UCP2: variants seen among roughly 807,000 people sequenced by gnomAD.
UCP2 encodes uncoupling protein 2.
A neutral mutation model predicts 31.3 loss-of-function variants in UCP2; 27 were observed. That is an observed-to-expected ratio of 0.86 (90% CI 0.64 to 1.19). The LOEUF (loss-of-function observed/expected upper bound fraction) is 1.19. Ranked by LOEUF, UCP2 falls within the 50% of genes most tolerant of loss-of-function variation. UCP2 has a pLI of 0.00. For synonymous variants in UCP2, 142 were observed against 157.4 expected (o/e 0.90, Z 0.73); for missense variants, 377 against 413.5 (o/e 0.91, Z 0.76).
At position 73,976,896 on chromosome 11, in the gene UCP2, A is replaced by C. The variant is rs770894758; in HGVS notation, c.459T>G (p.Gly153=). 8 of 1,614,060 alleles carry C rather than the reference A, an allele frequency of 5.0e-6. No individual in the cohort carries two copies. In the South Asian group the frequency reaches 7.7e-5, roughly 16 times the overall value. ...RFQAQARAGG[G]RRYQSTVNAY... is the part of the protein sequence containing the mutation. ...CATTGACGGTGCTTTGGTATCTCCG[A>C]CCACCTCCAGCCCGGGCCTGAGCTT... Residue 153 remains glycine, a synonymous_variant, in exon 5 of 8, where the codon GGT becomes GGG. Coordinates refer to ENST00000663595, the MANE Select transcript of UCP2 (RefSeq NM_003355.3).
intron 2 of UCP2, among the ~76,000 whole-genome samples, chr11:73,979,263 TG>T (rs1307168121): frequency 6.6e-6 from 1 of 152,174 alleles, no homozygotes; most frequent in African/African-American, 2.4e-5. Context: ...AAAGACTTCT[TG>T]GGCTGGGTGT....
At position 73,974,787 on chromosome 11, in the gene UCP2, G is replaced by C. The variant is rs909549802; in HGVS notation, c.*220C>G. 2.8e-6 allele frequency: 1 copy of C among 354,272 alleles called. No individual in the cohort carries two copies. Among genetic ancestry groups the C allele is most frequent in the Non-Finnish European group, 5.3e-6 (1 of 188,510 alleles). The allele number at this position is 354,272 out of a possible 1,614,324, so 21.9% of individuals were successfully genotyped here. A position where few individuals can be genotyped will look rare whatever the true frequency, so the allele number is the denominator to read the frequency against. On this transcript the variant is annotated 3_prime_UTR_variant, in exon 8 of 8. Transcript: ENST00000663595. ...GGACGCTTGGGATCCTGGCTGGTACGAGGCCTCCCACACTGTCAAATGTCA... is the reference window on the plus strand; with the variant it reads ...GGACGCTTGGGATCCTGGCTGGTACCAGGCCTCCCACACTGTCAAATGTCA...
Position 73,978,275 on chromosome 11 carries a change from T to A in UCP2, c.104A>T (p.Asp35Val), listed in dbSNP as rs756953904. ...CACCTGTAACCGGACTTTAGCAGTA[T>A]CCAGAGGAAAGGTGATGAGATCTGC... ...CIADLITFPL[D>V]TAKVRLQIQG... The change falls in exon 3 of 8, where the codon GAT becomes GTT. Residue 35 changes from aspartate to valine, a missense_variant. Physicochemically the swap from Asp to Val is radical, Grantham distance 152. Coordinates refer to ENST00000663595, the MANE Select transcript of UCP2 (RefSeq NM_003355.3). The A allele has an allele frequency of 6.2e-7, 1 of 1,613,984 alleles. No individual in the cohort carries two copies. Among genetic ancestry groups the A allele is most frequent in the Non-Finnish European group, 8.5e-7 (1 of 1,180,010 alleles).
chr11:73,977,901 T>C lies in UCP2; in HGVS notation c.322A>G (p.Thr108Ala). The change falls in exon 4 of 8, where the codon ACC (threonine) becomes GCC (alanine). Residue 108 changes from threonine to alanine, a missense_variant. Physicochemically the swap from Thr to Ala is moderately conservative, Grantham distance 58. Transcript: ENST00000663595. ...CCATACTCACGCTCAGAGCCCTTGG[T>C]GTAGAACTGTTTGACAGAATCATAC... ...GLYDSVKQFYTKGSEHASIGS... is the reference protein window; with the variant it reads ...GLYDSVKQFYAKGSEHASIGS... 1.2e-6 allele frequency: 2 copies of C among 1,614,202 alleles called. No individual in the cohort carries two copies. Among genetic ancestry groups the C allele is most frequent in the Non-Finnish European group, 1.7e-6 (2 of 1,180,026 alleles).
In UCP2 at chr11:73,982,833, G is replaced by C. The variant is rs1041279917; in HGVS notation, c.-369C>G. The C allele has an allele frequency of 6.8e-6, 1 of 146,524 alleles. No homozygotes were observed. The highest frequency in any genetic ancestry group is 1.5e-5 in the Non-Finnish European group (1 of 68,172). The allele number at this position is 146,524 out of a possible 1,614,324, so 9.1% of individuals were successfully genotyped here. A position where few individuals can be genotyped will look rare whatever the true frequency, so the allele number is the denominator to read the frequency against. The stretch of plus-strand genomic sequence containing the variant: ...GTCAATCCCAAGGCGCGCGCAGCTG[G>C]GCTTCGCAGTGGGGCTCCGCGCAGG... On this transcript the variant is annotated 5_prime_UTR_variant, in exon 1 of 8. Coordinates refer to ENST00000663595, the MANE Select transcript of UCP2 (RefSeq NM_003355.3).
intron 4 of UCP2, among the ~76,000 whole-genome samples, chr11:73,977,471 A>T (rs7109902): frequency 0.015 from 2,295 of 152,134 alleles, 49 homozygotes; most frequent in African/African-American, 0.053. Context: ...CGTCATGTGT[A>T]AAATGGAGGG....
rs1293314405 is a variant in UCP2 at position 73,976,632 on chromosome 11, A to G, written c.634+9T>C. 5 of 1,611,766 alleles carry G rather than the reference A, an allele frequency of 3.1e-6. No individual in the cohort carries two copies. The highest frequency in any genetic ancestry group is 4.2e-6 in the Non-Finnish European group (5 of 1,178,112). On this transcript the variant is annotated intron_variant, in intron 6 of 7. Transcript: ENST00000663595. ...GGTGAGACCCAGCACCGTCTACCTC[A>G]TGACTCACCTGTCATGAGGTTGGCT...
At chr11:73,979,273 G>A (rs568045968) in intron 2 of UCP2, among the ~76,000 whole-genome samples, 9 of 152,272 alleles carry the variant, frequency 5.9e-5, no homozygotes, top group Non-Finnish European at 1.3e-4. Context: ...TGGGCTGGGT[G>A]TGGTGGCTCA....
chr11:73,978,622 G>C, intron 2 of UCP2, 145 bp from the exon 3 acceptor site: 1 of 523,562 alleles, frequency 1.9e-6, no homozygotes, highest in Non-Finnish European at 3.4e-6. Flanking sequence ...ATGTGAGCTC[G>C]AGAGGCACTC....
In UCP2 at chr11:73,977,981, C is replaced by A; in HGVS notation, c.242G>T (p.Gly81Val). 1.9e-6 allele frequency: 3 copies of A among 1,614,222 alleles called. No homozygotes were observed. The highest frequency in any genetic ancestry group is 2.5e-6 in the Non-Finnish European group (3 of 1,180,028). Residue 81 changes from glycine to valine, a missense_variant, in exon 4 of 8, where the codon GGG becomes GTG. Physicochemically the swap from Gly to Val is moderately radical, Grantham distance 109. Coordinates refer to ENST00000663595, the MANE Select transcript of UCP2 (RefSeq NM_003355.3). ...RTEGPRSLYN[G>V]LVAGLQRQMS... ...TTGGCGCTGCAGGCCGGCAACCAGC[C>A]CATTGTAGAGGCTTCGGGGGCCCTC...
chr11:73,979,602 G>A (rs1443821751), intron 2 of UCP2, among the ~76,000 whole-genome samples: 1 of 152,080 alleles, frequency 6.6e-6, no homozygotes, highest in Admixed American at 6.6e-5. Context: ...AGAGGTGGGA[G>A]GACTGCTTGA....
intron 7 of UCP2, 117 bp from the exon 8 acceptor site, chr11:73,975,238 G>T (rs887351596): frequency 5.8e-6 from 6 of 1,033,342 alleles, no homozygotes; most frequent in African/African-American, 3.2e-5. Flanking sequence ...AGGACTCAAT[G>T]AACTGAGCTC....
Position 73,978,385 on chromosome 11 carries a change from G to A in UCP2, c.-7C>T, listed in dbSNP as rs752859030. The A allele has an allele frequency of 1.9e-6, 3 of 1,614,162 alleles. No homozygotes were observed. The highest frequency in any genetic ancestry group is 2.5e-6 in the Non-Finnish European group (3 of 1,180,032). ...TGGCCTTGAACCCAACCATGATGCT[G>A]ATTTCCTGCTACGTCCCAGGAGATG... On this transcript the variant is annotated 5_prime_UTR_variant, in exon 3 of 8. Transcript: ENST00000663595.
Position 73,978,365 on chromosome 11 carries a change from T to C in UCP2, c.14A>G (p.Lys5Arg). Residue 5 changes from lysine (K) to arginine (R), a missense_variant, in exon 3 of 8, where the codon AAG (lysine) becomes AGG (arginine). By Grantham distance (26) the Lys-to-Arg change is conservative. Transcript: ENST00000663595. ...GGCAGTAGGGGGCACATCTGTGGCC[T>C]TGAACCCAACCATGATGCTGATTTC... MVGF[K>R]ATDVPPTATV... The C allele has an allele frequency of 6.2e-7, 1 of 1,614,218 alleles. No homozygotes were observed. Among genetic ancestry groups the C allele is most frequent in the South Asian group, 1.1e-5 (1 of 91,086 alleles).
At chr11:73,978,506 G>A in intron 2 of UCP2, 29 bp from the exon 3 acceptor site, 2 of 1,375,200 alleles carry the variant, frequency 1.5e-6, no homozygotes, top group Non-Finnish European at 1.0e-6. Flanking sequence ...AGCCCCATTA[G>A]CCACAATGTC....
chr11:73,975,622 G>T lies in UCP2; in HGVS notation c.684C>A (p.Thr228=). The change falls in exon 7 of 8, where the codon ACC becomes ACA. Residue 228 remains threonine (T), a synonymous_variant. Coordinates refer to ENST00000663595, the MANE Select transcript of UCP2 (RefSeq NM_003355.3). ...CGTCTACAGGGGAGGCGATGACAGT[G>T]GTGCAGAAGCCTGCCCCAAAGGCAG... ...FTSAFGAGFC[T]TVIASPVDVV... is the part of the protein sequence containing the mutation. 1 of 1,614,238 alleles carries T rather than the reference G, an allele frequency of 6.2e-7. No individual in the cohort carries two copies. Among genetic ancestry groups the T allele is most frequent in the South Asian group, 1.1e-5 (1 of 91,082 alleles).
At position 73,977,934 on chromosome 11, in the gene UCP2, T is replaced by C. The variant is rs372149923; in HGVS notation, c.289A>G (p.Ile97Val). Residue 97 changes from isoleucine (I) to valine (V), a missense_variant, in exon 4 of 8, where the codon ATC (isoleucine) becomes GTC (valine). Transcript: ENST00000663595. ...TGTTTGACAGAATCATACAGGCCGATGCGGACAGAGGCAAAGCTCATTTGG... is the reference window on the plus strand; with the variant it reads ...TGTTTGACAGAATCATACAGGCCGACGCGGACAGAGGCAAAGCTCATTTGG... Reference protein sequence around the residue: ...QRQMSFASVRIGLYDSVKQFY... With the variant: ...QRQMSFASVRVGLYDSVKQFY... 7 of 1,613,954 alleles carry C rather than the reference T, an allele frequency of 4.3e-6. No homozygotes were observed. The African/African-American group carries it at 6.7e-5, about 15-fold the overall frequency.
chr11:73,975,448 T>C (rs1951326185), intron 7 of UCP2, 43 bp downstream of exon 7: 1 of 1,577,042 alleles, frequency 6.3e-7, no homozygotes, highest in Admixed American at 1.8e-5. Context: ...TAGACATGCA[T>C]AGCCAAGAGG....
In UCP2 at chr11:73,977,956, T is replaced by G; in HGVS notation, c.267A>C (p.Gln89His). The change falls in exon 4 of 8, where the codon CAA becomes CAC. Residue 89 changes from glutamine (Q) to histidine (H), a missense_variant. By Grantham distance (24) the Gln-to-His change is conservative. Transcript: ENST00000663595. ...CGATGCGGACAGAGGCAAAGCTCAT[T>G]TGGCGCTGCAGGCCGGCAACCAGCC... ...YNGLVAGLQR[Q>H]MSFASVRIGL... is the part of the protein sequence containing the mutation. 1 of 1,614,180 alleles carries G rather than the reference T, an allele frequency of 6.2e-7. No homozygotes were observed. Among genetic ancestry groups the G allele is most frequent in the Non-Finnish European group, 8.5e-7 (1 of 1,180,020 alleles).
Sources: allele counts gnomAD v4.1 joint callset (sites outside exome capture counted in the v4.1 genomes callset), GRCh38; gene constraint gnomAD v4.1.1; transcripts MANE v1.5; gene names NCBI Gene and HGNC (gene_info 2026-07-23, HGNC 2026-07-21).